The following MID1 variants were observed in gnomAD, a reference collection of about 807,000 sequenced individuals.
MID1 encodes the protein midline 1.
In MID1, 7 loss-of-function variants were observed where a neutral mutation model predicts 40.4. That is an observed-to-expected ratio of 0.17 (90% confidence interval 0.10 to 0.33). The LOEUF is 0.33. MID1 is among the 10% of genes least tolerant of loss of function. The probability of loss-of-function intolerance (pLI) is 1.00; values close to 1 mark genes in which losing one functional copy is unlikely to be tolerated. For synonymous variants in MID1, 229 were observed against 221.2 expected (o/e 1.04, Z -0.31); for missense variants, 367 against 558.5 (o/e 0.66, Z 3.46).
intron 1 of MID1, among the ~76,000 whole-genome samples, chrX:10,775,690 G>A (rs1330640021): frequency 9.0e-6 from 1 of 111,344 alleles, no homozygotes; most frequent in Non-Finnish European, 1.9e-5. Context: ...GTAATAAATG[G>A]GACCCTACAA....
At chrX:10,456,240 AAACAC>A (rs1255674584) in intron 8 of MID1, among the ~76,000 whole-genome samples, 6 of 112,498 alleles carry the variant, frequency 5.3e-5, no homozygotes, top group Admixed American at 9.4e-5. Flanking sequence ...TTTTGGATAC[AAACAC>A]AACACAACAC....
At position 10,589,496 on chromosome X, in the gene MID1, C is replaced by G. The variant is rs774524308; in HGVS notation, c.-56-21893G>C. On this transcript the variant is annotated intron_variant, in intron 1 of 9. Transcript: ENST00000317552. ...CAAGCAATTCAAACCAAGTCAAAACCAAAACCAAAGTGCCGATAAAGGCAT... is the reference window on the plus strand; with the variant it reads ...CAAGCAATTCAAACCAAGTCAAAACGAAAACCAAAGTGCCGATAAAGGCAT... 3.6e-5 allele frequency: 4 copies of G among 111,254 alleles called. No homozygotes were observed. The South Asian group carries it at 1.6e-3, about 44-fold the overall frequency. 9.2% of individuals were successfully genotyped at this position (111,254 alleles called of 1,213,427 possible).
chrX:10,750,122 AT>A (rs1398540168), intron 1 of MID1, among the ~76,000 whole-genome samples: 1 of 111,296 alleles, frequency 9.0e-6, no homozygotes, highest in Non-Finnish European at 1.9e-5. Context: ...AAGAACCTCC[AT>A]TTTTTAGCAA....
intron 1 of MID1, among the ~76,000 whole-genome samples, chrX:10,681,025 CAATAATAAT>C (rs56941761): frequency 0.025 from 2,030 of 82,550 alleles, 35 homozygotes; most frequent in African/African-American, 0.053. Flanking sequence ...GACCCTGTCT[CAATAATAAT>C]AATAATAATA....
chrX:10,684,325 C>T (rs2043078553), intron 1 of MID1, among the ~76,000 whole-genome samples: 1 of 109,532 alleles, frequency 9.1e-6, no homozygotes, highest in Non-Finnish European at 1.9e-5. Context: ...TAAATTGTGC[C>T]GCTTGCTTGC....
intron 3 of MID1, chrX:10,505,738 GA>G (rs1176015649): frequency 1.3e-6 from 1 of 751,705 alleles, no homozygotes; most frequent in Admixed American, 8.7e-5. Flanking sequence ...ATTTCTAATG[GA>G]AAGAGGAAAC....
intron 1 of MID1, among the ~76,000 whole-genome samples, chrX:10,692,236 G>A (rs971550353): frequency 3.6e-5 from 4 of 111,391 alleles, no homozygotes; most frequent in African/African-American, 1.3e-4. Context: ...AAAACTTGCT[G>A]GTTTTGCGGC....
chrX:10,634,495 C>A (rs1253057125), intron 1 of MID1, among the ~76,000 whole-genome samples: 1 of 111,250 alleles, frequency 9.0e-6, no homozygotes, highest in Non-Finnish European at 1.9e-5. Flanking sequence ...TGTATCCTTC[C>A]TGGTAACTAT....
At chrX:10,768,201 T>A (rs1053394726) in intron 1 of MID1, among the ~76,000 whole-genome samples, 1 of 108,003 alleles carries the variant, frequency 9.3e-6, no homozygotes, top group Non-Finnish European at 1.9e-5. Flanking sequence ...AAATGAAACT[T>A]TTTTTTAAGT....
At chrX:10,756,554 ATTCCTACCATGTGAAGT>A (rs761602769) in intron 1 of MID1, among the ~76,000 whole-genome samples, 2 of 111,990 alleles carry the variant, frequency 1.8e-5, no homozygotes, top group African/African-American at 3.3e-5. Flanking sequence ...CTTCACAGAC[ATTCCTACCATGTGAAGT>A]CACACACACA....
At position 10,459,663 on chromosome X, in the gene MID1, C is replaced by T. The variant is rs1569269862; in HGVS notation, c.1430G>A (p.Gly477Glu). The change falls in exon 8 of 10, where the codon GGG becomes GAG. Residue 477 changes from glycine to glutamate, a missense_variant. This residue lies in a region of MID1 where 275 missense variants were observed against 383.1 expected (regional missense o/e 0.72). Transcript: ENST00000317552. ...NQAGSRSSEP[G>E]KLKTNSQPFK... ...GCACTTACTGTTTGTCTTCAACTTC[C>T]CAGGCTCACTGCTGCGGCTGCCCGC... 1.7e-6 allele frequency: 2 copies of T among 1,211,359 alleles called. No individual in the cohort carries two copies. The highest frequency in any genetic ancestry group is 2.2e-6 in the Non-Finnish European group (2 of 895,495).
intron 7 of MID1, among the ~76,000 whole-genome samples, chrX:10,468,837 T>C (rs1484791665): frequency 1.8e-5 from 2 of 112,409 alleles, no homozygotes; most frequent in Non-Finnish European, 3.8e-5. Context: ...GGCCCAGCTC[T>C]CTCCTCTGAA....
chrX:10,561,370 G>T (rs1934332271), intron 2 of MID1, among the ~76,000 whole-genome samples: 1 of 106,748 alleles, frequency 9.4e-6, no homozygotes, highest in Non-Finnish European at 1.9e-5. Context: ...TGACAAATGG[G>T]ATCTAATTAA....
At chrX:10,609,880 G>A (rs2147531262) in intron 1 of MID1, among the ~76,000 whole-genome samples, 1 of 110,294 alleles carries the variant, frequency 9.1e-6, no homozygotes, top group African/African-American at 3.3e-5. Context: ...ACCATGCCCG[G>A]CTAATTTTTT....
Position 10,567,335 on chromosome X carries a change from G to A in MID1, c.213C>T (p.Asp71=), listed in dbSNP as rs1272432970. ...GTAGGGTGACGTTGCGCTTGAGCCC[G>A]TCTAGACCTCGCTGGCTGAGGGTGA... ...HVITLSQRGL[D]GLKRNVTLQN... The change falls in exon 2 of 10, where the codon GAC becomes GAT. Residue 71 remains aspartate (D), a synonymous_variant. Transcript: ENST00000317552. 1.6e-5 allele frequency: 19 copies of A among 1,193,403 alleles called. 1 individual carries two copies. Among genetic ancestry groups the A allele is most frequent in the Middle Eastern group, 2.3e-4 (1 of 4,296 alleles).
intron 2 of MID1, among the ~76,000 whole-genome samples, chrX:10,555,641 A>T (rs756466231): frequency 4.5e-5 from 5 of 110,269 alleles, no homozygotes; most frequent in Middle Eastern, 4.7e-3. Flanking sequence ...TTTTTTTTTT[A>T]AAAGCAGGAT....
At chrX:10,708,413 G>A (rs2043245301) in intron 1 of MID1, among the ~76,000 whole-genome samples, 1 of 111,269 alleles carries the variant, frequency 9.0e-6, no homozygotes, top group African/African-American at 3.3e-5. Flanking sequence ...CATAATTCAG[G>A]ATACAAATCA....
intron 1 of MID1, among the ~76,000 whole-genome samples, chrX:10,685,757 T>C (rs1038762922): frequency 2.7e-5 from 3 of 110,983 alleles, no homozygotes; most frequent in Non-Finnish European, 5.7e-5. Flanking sequence ...TTCTGAAGGC[T>C]CCTATTTGTA....
intron 1 of MID1, among the ~76,000 whole-genome samples, chrX:10,706,770 C>T (rs546963844): frequency 2.9e-4 from 32 of 111,680 alleles, no homozygotes; most frequent in African/African-American, 8.5e-4. Context: ...ACAACCACCA[C>T]CTCACAAAAA....
Sources: allele counts gnomAD v4.1 joint callset (sites outside exome capture counted in the v4.1 genomes callset), GRCh38; gene constraint gnomAD v4.1.1; regional missense constraint gnomAD v4.1.1; transcripts MANE v1.5; gene names NCBI Gene and HGNC (gene_info 2026-07-23, HGNC 2026-07-21).